MALT1: variants seen among roughly 807,000 people sequenced by gnomAD.
MALT1 encodes MALT1 paracaspase.
Under a neutral mutation model 85.5 loss-of-function variants are expected in MALT1, and 36 were observed. The observed-to-expected ratio is 0.42, with a 90% CI of 0.32 to 0.56. The LOEUF is 0.56. MALT1 is among the 20% of genes least tolerant of loss of function. The pLI, the probability that MALT1 is intolerant of heterozygous loss-of-function variation, is 0.10. For synonymous variants in MALT1, 359 were observed against 361.3 expected, an observed-to-expected ratio of 0.99 and a Z score of 0.07; for missense variants, 716 against 981.6, an observed-to-expected ratio of 0.73 and a Z score of 3.62.
chr18:58,700,582 A>C lies in MALT1; in HGVS notation c.640A>C (p.Ser214Arg). The change falls in exon 4 of 17, where the codon AGC becomes CGC. Residue 214 changes from serine (S) to arginine (R), a missense_variant. Transcript: ENST00000649217. ...GCTGGATGTTTGCGACATCCCAGAG[A>C]GCTTCCAGAGTAAGTAACGAAAGAA... ...SQLDVCDIPE[S>R]FQRSVDGVSE... 2.5e-6 allele frequency: 4 copies of C among 1,596,006 alleles called. No homozygotes were observed. The highest frequency in any genetic ancestry group is 1.4e-5 in the African/African-American group (1 of 73,914).
chr18:58,725,531 T>G (rs1250498687), intron 10 of MALT1, among the ~76,000 whole-genome samples: 2 of 152,200 alleles, frequency 1.3e-5, no homozygotes, highest in Non-Finnish European at 2.9e-5. Flanking sequence ...TTTTATATTA[T>G]ACAATTGATC....
chr18:58,698,075 G>GTTTTGTT (rs2054619212), intron 3 of MALT1, among the ~76,000 whole-genome samples: 1 of 92,834 alleles, frequency 1.1e-5, no homozygotes, highest in African/African-American at 3.2e-5. Context: ...TTGTTTTTTT[G>GTTTTGTT]TTTTTTTTTT....
chr18:58,714,342 CAT>C (rs1464164995), intron 8 of MALT1, among the ~76,000 whole-genome samples: 1 of 152,058 alleles, frequency 6.6e-6, no homozygotes, highest in African/African-American at 2.4e-5. Flanking sequence ...TTTGAGGTAA[CAT>C]AAAACCTCAA....
Position 58,723,053 on chromosome 18 carries a change from G to T in MALT1, c.1024G>T (p.Asp342Tyr). Residue 342 changes from aspartate (D) to tyrosine (Y), a missense_variant, in exon 10 of 17, where the codon GAC becomes TAC. Physicochemically the swap from Asp to Tyr is radical, Grantham distance 160. This residue lies in a region of MALT1 where 290 missense variants were observed against 380.5 expected (regional missense o/e 0.76). Coordinates refer to ENST00000649217, the MANE Select transcript of MALT1 (RefSeq NM_006785.4). ...CCTTTCTTTTTTTTTCAAAGCGAAG[G>T]ACAAGGTTGCCCTTTTGATAGGAAA... ...EQTTDQPLAK[D>Y]KVALLIGNMN... 1.2e-6 allele frequency: 2 copies of T among 1,612,326 alleles called. No homozygotes were observed. The highest frequency in any genetic ancestry group is 1.7e-6 in the Non-Finnish European group (2 of 1,179,130).
chr18:58,685,033 C>T (rs1409785258), intron 2 of MALT1, among the ~76,000 whole-genome samples: 5 of 151,858 alleles, frequency 3.3e-5, no homozygotes, highest in African/African-American at 7.3e-5. Flanking sequence ...GGGAGACAAA[C>T]ATATAAAAGA....
intron 13 of MALT1, among the ~76,000 whole-genome samples, chr18:58,738,425 T>C (rs963774438): frequency 3.3e-5 from 5 of 152,226 alleles, no homozygotes; most frequent in Admixed American, 2.0e-4. Context: ...AGGTTTTTGC[T>C]ATGTTAACAG....
At chr18:58,708,428 CTG>C (rs1479796656) in intron 4 of MALT1, among the ~76,000 whole-genome samples, 1 of 152,196 alleles carries the variant, frequency 6.6e-6, no homozygotes, top group African/African-American at 2.4e-5. Flanking sequence ...CCTAGGCAAA[CTG>C]AGACCACTGG....
intron 12 of MALT1, 33 bp downstream of exon 12, chr18:58,734,414 C>G: frequency 6.4e-7 from 1 of 1,558,736 alleles, no homozygotes; most frequent in Non-Finnish European, 8.9e-7. Context: ...TTGAAGTTTC[C>G]TTTATTGTTT....
chr18:58,684,405 A>G (rs1010220883), intron 2 of MALT1, among the ~76,000 whole-genome samples: 7 of 148,448 alleles, frequency 4.7e-5, no homozygotes, highest in African/African-American at 1.5e-4. Flanking sequence ...TTAGCTTACT[A>G]TCTGCATCTA....
chr18:58,705,308 G>A (rs112347489), intron 4 of MALT1, among the ~76,000 whole-genome samples: 5,863 of 149,452 alleles, frequency 0.039, 327 homozygotes, highest in African/African-American at 0.13. Flanking sequence ...GTGTGTGTGT[G>A]TGTGTGTGTG....
At chr18:58,684,205 A>G (rs991329541) in intron 2 of MALT1, among the ~76,000 whole-genome samples, 5 of 152,154 alleles carry the variant, frequency 3.3e-5, no homozygotes, top group African/African-American at 1.2e-4. Context: ...AAGTGCTGGG[A>G]TTACAGGCGG....
intron 15 of MALT1, 31 bp downstream of exon 15, chr18:58,744,526 G>T: frequency 1.4e-6 from 2 of 1,471,714 alleles, no homozygotes; most frequent in South Asian, 1.4e-5. Flanking sequence ...AAAATACAGT[G>T]ATATATTCTC....
intron 2 of MALT1, among the ~76,000 whole-genome samples, chr18:58,685,775 T>C (rs1602280754): frequency 6.6e-6 from 1 of 152,298 alleles, no homozygotes; most frequent in South Asian, 2.1e-4. Context: ...TAGTTTTTAT[T>C]TGTGGATGGT....
rs773525377 is a variant in MALT1 at position 58,723,070 on chromosome 18, G to A, written c.1041G>A (p.Leu347=). 5 of 1,613,150 alleles carry A rather than the reference G, an allele frequency of 3.1e-6. No individual in the cohort carries two copies. The South Asian group carries it at 3.3e-5, about 11-fold the overall frequency. ...AAGCGAAGGACAAGGTTGCCCTTTT[G>A]ATAGGAAATATGAATTACCGGGAGC... The part of the protein sequence containing the change: ...QPLAKDKVAL[L]IGNMNYREHP... Residue 347 remains leucine, a synonymous_variant, in exon 10 of 17, where the codon TTG becomes TTA. Coordinates refer to ENST00000649217, the MANE Select transcript of MALT1 (RefSeq NM_006785.4).
In MALT1 at chr18:58,735,182, CTTCTTT is replaced by C. The variant is rs747063160; in HGVS notation, c.1476-15_1476-10del. On this transcript the variant is annotated splice_polypyrimidine_tract_variant and intron_variant, in intron 12 of 16. Coordinates refer to ENST00000649217, the MANE Select transcript of MALT1 (RefSeq NM_006785.4). ...ATTTGCCTTTCTGTGCCTGGCTTAA[CTTCTTT>C]TTCTATTTTTAAGGTGTCAAGGAGC... is the stretch of plus-strand genomic sequence containing the variant. 8.1e-6 allele frequency: 13 copies of C among 1,596,656 alleles called. No homozygotes were observed. Among genetic ancestry groups the C allele is most frequent in the Admixed American group, 1.8e-5 (1 of 55,700 alleles).
intron 13 of MALT1, among the ~76,000 whole-genome samples, chr18:58,739,242 A>C (rs1402156057): frequency 1.3e-5 from 2 of 152,106 alleles, no homozygotes; most frequent in Admixed American, 6.5e-5. Context: ...TAGAATTTTC[A>C]TATCTATATT....
Position 58,751,906 on chromosome 18 carries a change from A to G in MALT1, c.*4064A>G, listed in dbSNP as rs796233200. The G allele has an allele frequency of 3.3e-5, 5 of 152,372 alleles. No homozygotes were observed. Among genetic ancestry groups the G allele is most frequent in the African/African-American group, 9.6e-5 (4 of 41,590 alleles). The allele number at this position is 152,372 out of a possible 1,614,324, so 9.4% of individuals were successfully genotyped here. ...TGAATTTAAAACACTATTGTTCCTC[A>G]TTCAGTGATGAACAAGTCAAAACGT... is the stretch of plus-strand genomic sequence containing the variant. On this transcript the variant is annotated 3_prime_UTR_variant, in exon 17 of 17. Transcript: ENST00000649217.
At chr18:58,744,583 A>G (rs1602344589) in intron 15 of MALT1, 88 bp downstream of exon 15, 3 of 590,432 alleles carry the variant, frequency 5.1e-6, no homozygotes, top group Admixed American at 3.4e-5. Context: ...GATGGTAAAT[A>G]TAAAGGAAAT....
chr18:58,700,422 C>T lies in MALT1; in HGVS notation c.499-19C>T, dbSNP rs2054655083. ...TGTTTTTGATGAGTCATCCACTTCTCTTATTGATTCTTTCACAGATTCCAA... is the reference window on the plus strand; with the variant it reads ...TGTTTTTGATGAGTCATCCACTTCTTTTATTGATTCTTTCACAGATTCCAA... On this transcript the variant is annotated intron_variant, in intron 3 of 16. Transcript: ENST00000649217. The T allele has an allele frequency of 2.5e-6, 4 of 1,576,812 alleles. No homozygotes were observed. Among genetic ancestry groups the T allele is most frequent in the East Asian group, 2.3e-5 (1 of 43,464 alleles).
Sources: gnomAD v4.1 joint callset for allele counts (sites outside exome capture counted in the v4.1 genomes callset) on GRCh38, gnomAD v4.1.1 for gene constraint, gnomAD v4.1.1 regional missense constraint, MANE v1.5 for transcripts, NCBI Gene and HGNC (gene_info 2026-07-23, HGNC 2026-07-21) for gene names.